RCBTB1: variants seen among roughly 807,000 people sequenced by gnomAD.
The protein encoded by RCBTB1 is RCC1 and BTB domain containing protein 1, also known as RCC1 and BTB domain-containing protein 1.
RCBTB1 carries 46 observed loss-of-function variants against 62.4 expected under a neutral mutation model. The observed-to-expected ratio is 0.74, with a 90% CI of 0.58 to 0.94. The LOEUF (loss-of-function observed/expected upper bound fraction) is 0.94. Among genes scored for constraint, RCBTB1 ranks in the 40% least tolerant of loss-of-function variants. RCBTB1 has a pLI of 0.00. For synonymous variants in RCBTB1, 222 were observed against 245.8 expected (o/e 0.90, Z 0.91); for missense variants, 565 against 654.9 (o/e 0.86, Z 1.50).
chr13:49,553,561 T>G (rs545203544), intron 6 of RCBTB1, among the ~76,000 whole-genome samples: 1 of 151,824 alleles, frequency 6.6e-6, no homozygotes, highest in Non-Finnish European at 1.5e-5. Flanking sequence ...TTGACAGGAG[T>G]GTTAAAGGTT....
chr13:49,565,931 T>C (rs1327610575), intron 4 of RCBTB1, among the ~76,000 whole-genome samples: 1 of 151,516 alleles, frequency 6.6e-6, no homozygotes, highest in Admixed American at 6.6e-5. Context: ...AAAATTCTTC[T>C]GCCTTGGGAT....
intron 4 of RCBTB1, among the ~76,000 whole-genome samples, chr13:49,566,040 G>A (rs1040079073): frequency 6.9e-6 from 1 of 145,434 alleles, no homozygotes; most frequent in Non-Finnish European, 1.5e-5. Context: ...GATGTGCTTT[G>A]TTAAACAGAT....
chr13:49,582,402 G>A (rs1036925910), intron 1 of RCBTB1, among the ~76,000 whole-genome samples: 5 of 152,136 alleles, frequency 3.3e-5, no homozygotes, highest in Admixed American at 1.3e-4. Context: ...CAGGAGAATC[G>A]CTTGAACTCG....
intron 2 of RCBTB1, among the ~76,000 whole-genome samples, chr13:49,573,056 C>T (rs909192951): frequency 1.3e-5 from 2 of 152,092 alleles, no homozygotes; most frequent in African/African-American, 4.8e-5. Context: ...AAGCACCCCC[C>T]AAGGAAGCAT....
chr13:49,551,156 G>A (rs1310534032), intron 8 of RCBTB1, 170 bp downstream of exon 8: 13 of 635,118 alleles, frequency 2.0e-5, no homozygotes, highest in Non-Finnish European at 3.3e-5. Flanking sequence ...GGGGGAAGCA[G>A]GGAGGGAGAA....
Position 49,547,138 on chromosome 13 carries a change from C to A in RCBTB1, c.1046-2275G>T, listed in dbSNP as rs951802593. ...GCAATTCTGGCCAAATAGTCCCATTCAGTGAACCAATTATTTTCCAATCAC... is the reference window on the plus strand; with the variant it reads ...GCAATTCTGGCCAAATAGTCCCATTAAGTGAACCAATTATTTTCCAATCAC... On this transcript the variant is annotated intron_variant, in intron 9 of 12. Transcript: ENST00000378302. The A allele has an allele frequency of 3.5e-5, 44 of 1,272,936 alleles. No individual in the cohort carries two copies. In the African/African-American group the frequency reaches 6.4e-4, roughly 19 times the overall value. 78.9% of individuals were successfully genotyped at this position (1,272,936 alleles called of 1,614,324 possible). A position where few individuals can be genotyped will look rare whatever the true frequency, so the allele number is the denominator to read the frequency against.
chr13:49,539,186 C>G (rs1960167710), intron 12 of RCBTB1, among the ~76,000 whole-genome samples: 1 of 151,234 alleles, frequency 6.6e-6, no homozygotes, highest in African/African-American at 2.4e-5. Context: ...TTTAAGCACA[C>G]CTTCATGGTG....
At chr13:49,537,820 G>A (rs562077683) in intron 12 of RCBTB1, 10 of 152,288 alleles carry the variant, frequency 6.6e-5, no homozygotes, top group African/African-American at 1.9e-4. Context: ...AAAACTTGTG[G>A]ACAGTTTCAT....
At chr13:49,555,035 G>C (rs1259220765) in intron 6 of RCBTB1, among the ~76,000 whole-genome samples, 1 of 152,160 alleles carries the variant, frequency 6.6e-6, no homozygotes, top group Non-Finnish European at 1.5e-5. Flanking sequence ...TAACTAAAGG[G>C]ACAGTTGTTA....
chr13:49,572,372 A>G (rs1963462409), intron 2 of RCBTB1, among the ~76,000 whole-genome samples: 1 of 152,158 alleles, frequency 6.6e-6, no homozygotes, highest in Non-Finnish European at 1.5e-5. Context: ...GAACAGCAAC[A>G]TTATTTAGGA....
intron 10 of RCBTB1, among the ~76,000 whole-genome samples, chr13:49,542,881 T>C (rs958469375): frequency 1.3e-5 from 2 of 152,232 alleles, no homozygotes; most frequent in African/African-American, 4.8e-5. Flanking sequence ...TTTCTGAATA[T>C]TGGATTTTCT....
Position 49,533,289 on chromosome 13 carries a change from G to A in RCBTB1, c.*833C>T, listed in dbSNP as rs1465530855. On this transcript the variant is annotated 3_prime_UTR_variant, in exon 13 of 13. Transcript: ENST00000378302. ...TCCTCTTAAGTTTGCATTTATAGAA[G>A]AAGGTGGTGGGGGACAATTTAAACT... 2 of 152,184 alleles carry A rather than the reference G, an allele frequency of 1.3e-5. No homozygotes were observed. The highest frequency in any genetic ancestry group is 2.4e-5 in the African/African-American group (1 of 41,460). 9.4% of individuals were successfully genotyped at this position (152,184 alleles called of 1,614,324 possible). A position where few individuals can be genotyped will look rare whatever the true frequency, so the allele number is the denominator to read the frequency against.
chr13:49,566,627 T>C lies in RCBTB1; in HGVS notation c.268A>G (p.Ser90Gly). 6.2e-7 allele frequency: 1 copy of C among 1,612,574 alleles called. No homozygotes were observed. Among genetic ancestry groups the C allele is most frequent in the Non-Finnish European group, 8.5e-7 (1 of 1,179,612 alleles). Residue 90 changes from serine to glycine, a missense_variant, in exon 4 of 13, where the codon AGC (serine) becomes GGC (glycine). Ser to Gly is a moderately conservative substitution (Grantham distance 56, BLOSUM62 0). Coordinates refer to ENST00000378302, the MANE Select transcript of RCBTB1 (RefSeq NM_018191.4). ...TGGGTTCCCTCCTTACCTTCGGTGC[T>C]GAGAAGAACATGTGGTCCACTCCCG... ...SYGSGPHVLL[S>G]TEDGVVYAWG... is the part of the protein sequence containing the mutation.
chr13:49,564,268 G>C (rs376030531), intron 4 of RCBTB1, among the ~76,000 whole-genome samples: 6 of 152,136 alleles, frequency 3.9e-5, no homozygotes, highest in African/African-American at 1.4e-4. Flanking sequence ...ACAAAGAAAG[G>C]AAAGCCAGGT....
chr13:49,546,849 A>C (rs1536192), intron 9 of RCBTB1: 1 of 620,684 alleles, frequency 1.6e-6, no homozygotes, highest in Non-Finnish European at 2.0e-6. Context: ...CCTGCCGTGC[A>C]ACCCAGTTAA....
chr13:49,568,031 C>T (rs1183701601), intron 2 of RCBTB1, among the ~76,000 whole-genome samples: 1 of 152,210 alleles, frequency 6.6e-6, no homozygotes, highest in Non-Finnish European at 1.5e-5. Flanking sequence ...CTTATCATCC[C>T]TCCCTGACCC....
chr13:49,565,798 C>T (rs9591278), intron 4 of RCBTB1, among the ~76,000 whole-genome samples: 34,448 of 150,132 alleles, frequency 0.23, 4,150 homozygotes, highest in African/African-American at 0.41. Flanking sequence ...GCCATGATGA[C>T]GATGGCGGTT....
At chr13:49,560,493 G>T (rs1201405566) in intron 4 of RCBTB1, among the ~76,000 whole-genome samples, 1 of 152,180 alleles carries the variant, frequency 6.6e-6, no homozygotes, top group South Asian at 2.1e-4. Context: ...CACAGGGGGC[G>T]TGTGGCTACT....
chr13:49,567,008 AAG>A (rs1160586354), intron 3 of RCBTB1, 144 bp downstream of exon 3: 6 of 792,256 alleles, frequency 7.6e-6, no homozygotes, highest in South Asian at 3.9e-5. Flanking sequence ...AAACTGAAAA[AAG>A]AGAAACTATC....
Sources: allele counts gnomAD v4.1 joint callset (sites outside exome capture counted in the v4.1 genomes callset), GRCh38; gene constraint gnomAD v4.1.1; transcripts MANE v1.5; gene names NCBI Gene and HGNC (gene_info 2026-07-23, HGNC 2026-07-21).